Variants in CLSTN2 observed in about 807,000 individuals in gnomAD.
CLSTN2 encodes calsyntenin-2.
Under a neutral mutation model 101.2 loss-of-function variants are expected in CLSTN2, and 48 were observed. That is an observed-to-expected ratio of 0.47 (90% CI 0.38 to 0.60). The LOEUF is 0.60. Among genes scored for constraint, CLSTN2 ranks in the 20% least tolerant of loss-of-function variants. CLSTN2 has a pLI of 0.00. For missense variants in CLSTN2, 1,160 were observed against 1,238.2 expected, an observed-to-expected ratio of 0.94 and a Z score of 0.95; for synonymous variants, 481 against 463.6, an observed-to-expected ratio of 1.04 and a Z score of -0.48.
chr3:140,123,624 G>A (rs142413147), intron 1 of CLSTN2, among the ~76,000 whole-genome samples: 18 of 152,092 alleles, frequency 1.2e-4, no homozygotes, highest in African/African-American at 4.3e-4. Context: ...TAAACTGCGT[G>A]GCTTAAATTA....
chr3:140,422,805 A>G (rs1490694219), intron 5 of CLSTN2, among the ~76,000 whole-genome samples: 2 of 152,204 alleles, frequency 1.3e-5, no homozygotes, highest in Non-Finnish European at 2.9e-5. Context: ...CTTGTTCACC[A>G]CTGAATTTCT....
chr3:140,436,529 C>A (rs899909993), intron 5 of CLSTN2, among the ~76,000 whole-genome samples: 15 of 152,258 alleles, frequency 9.9e-5, no homozygotes, highest in African/African-American at 3.6e-4. Context: ...GGCAAAGGCA[C>A]AAGGTAGGTC....
intron 8 of CLSTN2, among the ~76,000 whole-genome samples, chr3:140,489,215 G>A (rs1934294438): frequency 6.6e-6 from 1 of 152,064 alleles, no homozygotes; most frequent in Non-Finnish European, 1.5e-5. Context: ...TTGGGATGGG[G>A]TGCAGGGAAG....
chr3:140,354,561 C>T (rs1327325568), intron 2 of CLSTN2, among the ~76,000 whole-genome samples: 1 of 152,152 alleles, frequency 6.6e-6, no homozygotes, highest in Non-Finnish European at 1.5e-5. Flanking sequence ...AAAATCCTCC[C>T]CAACTCCCCT....
intron 8 of CLSTN2, among the ~76,000 whole-genome samples, chr3:140,483,034 T>G (rs1306026749): frequency 6.6e-6 from 1 of 152,238 alleles, no homozygotes; most frequent in Non-Finnish European, 1.5e-5. Context: ...ATTGTGATGT[T>G]AGGGCGTCAA....
At chr3:140,214,655 C>A (rs913023218) in intron 2 of CLSTN2, among the ~76,000 whole-genome samples, 3 of 152,080 alleles carry the variant, frequency 2.0e-5, no homozygotes, top group Non-Finnish European at 4.4e-5. Context: ...TAAAGAATCC[C>A]CTAATTATTT....
intron 5 of CLSTN2, among the ~76,000 whole-genome samples, chr3:140,441,553 G>T (rs992743199): frequency 4.6e-5 from 7 of 152,220 alleles, no homozygotes; most frequent in African/African-American, 1.7e-4. Context: ...TTAAGTAACT[G>T]CCGAAGGTGC....
At chr3:140,212,289 C>A (rs1212269531) in intron 2 of CLSTN2, among the ~76,000 whole-genome samples, 1 of 152,190 alleles carries the variant, frequency 6.6e-6, no homozygotes, top group Non-Finnish European at 1.5e-5. Flanking sequence ...AATGAGTTTA[C>A]AGCCCTAGGG....
chr3:140,461,127 G>A (rs943996489), intron 7 of CLSTN2: 29 of 152,094 alleles, frequency 1.9e-4, no homozygotes, highest in Non-Finnish European at 3.2e-4. Context: ...CTACAAGAAC[G>A]CCACATTCTC....
chr3:140,387,849 CCA>C (rs2088070195), intron 2 of CLSTN2, among the ~76,000 whole-genome samples: 8 of 152,202 alleles, frequency 5.3e-5, no homozygotes, highest in Non-Finnish European at 8.8e-5. Context: ...AATTCCTTCT[CCA>C]TAATTGGGAG....
intron 1 of CLSTN2, among the ~76,000 whole-genome samples, chr3:140,157,096 G>A (rs1193893861): frequency 6.6e-6 from 1 of 152,090 alleles, no homozygotes; most frequent in Non-Finnish European, 1.5e-5. Context: ...ATGAGGGGAA[G>A]CATCGCTGCT....
rs550451225 is a variant in CLSTN2, at chr3:140,150,951, TA to T, written c.110-24999del. Among the ~76,000 whole-genome samples, 264 of 152,206 alleles carry T rather than the reference TA, an allele frequency of 1.7e-3. 5 individuals carry two copies. Among genetic ancestry groups the T allele is most frequent in the Non-Finnish European group, 1.2e-4 (8 of 68,024 alleles). ...AGGAAAGTCAAAATTGATCTAATTT[TA>T]TATGGCACCTCCTGCACCTTGTTCT... On this transcript the variant is annotated intron_variant, in intron 1 of 16. Transcript: ENST00000458420.
intron 2 of CLSTN2, among the ~76,000 whole-genome samples, chr3:140,193,078 T>C (rs571926142): frequency 1.6e-4 from 24 of 152,034 alleles, no homozygotes; most frequent in Non-Finnish European, 2.8e-4. Context: ...TCTCTGTTTG[T>C]AATTGTCTTA....
At chr3:140,373,182 C>A (rs763318661) in intron 2 of CLSTN2, among the ~76,000 whole-genome samples, 3 of 152,208 alleles carry the variant, frequency 2.0e-5, no homozygotes, top group Non-Finnish European at 4.4e-5. Flanking sequence ...ATGAAAAGAA[C>A]TGTGACTGTG....
chr3:140,133,901 G>A (rs913723101), intron 1 of CLSTN2, among the ~76,000 whole-genome samples: 6 of 152,166 alleles, frequency 3.9e-5, no homozygotes, highest in African/African-American at 1.4e-4. Context: ...TCAGGCCTCT[G>A]TGTAGTTTCA....
chr3:140,011,899 C>T (rs780066241), intron 1 of CLSTN2, among the ~76,000 whole-genome samples: 3 of 151,804 alleles, frequency 2.0e-5, no homozygotes, highest in African/African-American at 4.8e-5. Flanking sequence ...TCTGGGGTGC[C>T]GAATGGTCCT....
intron 2 of CLSTN2, among the ~76,000 whole-genome samples, chr3:140,313,172 C>T (rs1388037968): frequency 6.6e-6 from 1 of 152,132 alleles, no homozygotes; most frequent in Admixed American, 6.5e-5. Flanking sequence ...CCCAAAAAAA[C>T]CATCAGTGGA....
intron 1 of CLSTN2, among the ~76,000 whole-genome samples, chr3:140,044,379 T>C (rs1233329440): frequency 6.6e-6 from 1 of 152,220 alleles, no homozygotes; most frequent in Non-Finnish European, 1.5e-5. Context: ...ACATTGATTT[T>C]GTATCCTGAG....
intron 6 of CLSTN2, among the ~76,000 whole-genome samples, chr3:140,450,816 T>C (rs1163044029): frequency 6.6e-6 from 1 of 152,148 alleles, no homozygotes; most frequent in Non-Finnish European, 1.5e-5. Context: ...TAGAACTGAA[T>C]GTGAAATAAA....
Sources: gnomAD v4.1 joint callset for allele counts (sites outside exome capture counted in the v4.1 genomes callset) on GRCh38, gnomAD v4.1.1 for gene constraint, MANE v1.5 for transcripts, NCBI Gene and HGNC (gene_info 2026-07-23, HGNC 2026-07-21) for gene names.